The following ITGA2 variants were observed in gnomAD, a reference collection of about 807,000 sequenced individuals.
The protein encoded by ITGA2 is integrin subunit alpha 2.
Under a neutral mutation model 146.3 loss-of-function variants are expected in ITGA2, and 101 were observed. That is an observed-to-expected ratio of 0.69 (90% CI 0.59 to 0.81). The LOEUF (loss-of-function observed/expected upper bound fraction) is 0.81, where lower values mean the gene tolerates loss of function less well. Among genes scored for constraint, ITGA2 ranks in the 40% least tolerant of loss-of-function variants. The pLI is 0.00. For synonymous variants in ITGA2, 477 were observed against 487.1 expected, an observed-to-expected ratio of 0.98 and a Z score of 0.27; for missense variants, 1,281 against 1,402.7, an observed-to-expected ratio of 0.91 and a Z score of 1.39.
At position 53,074,479 on chromosome 5, in the gene ITGA2, T is replaced by C; in HGVS notation, c.2664+2T>C. On this transcript the variant is annotated splice_donor_variant, in intron 21 of 29. Transcript: ENST00000296585. LOFTEE classifies it high-confidence loss of function. ...CCTGCTTTAAAGAGAGAACAACAGG[T>C]ACAACTTGCATTTCATCCTCCAATC... is the stretch of plus-strand genomic sequence containing the variant. The C allele has an allele frequency of 1.9e-6, 3 of 1,609,874 alleles. No homozygotes were observed. Among genetic ancestry groups the C allele is most frequent in the Non-Finnish European group, 2.5e-6 (3 of 1,176,724 alleles).
At chr5:53,054,623 A>G (rs1367786268) in intron 7 of ITGA2, among the ~76,000 whole-genome samples, 1 of 152,176 alleles carries the variant, frequency 6.6e-6, no homozygotes, top group Non-Finnish European at 1.5e-5. Flanking sequence ...TCCTCCAAAT[A>G]AAATATTATG....
At chr5:52,990,985 A>G (rs1561272666) in intron 1 of ITGA2, among the ~76,000 whole-genome samples, 1 of 152,200 alleles carries the variant, frequency 6.6e-6, no homozygotes, top group Non-Finnish European at 1.5e-5. Flanking sequence ...CTGTGGAAAC[A>G]TAACATCATT....
At position 53,073,204 on chromosome 5, in the gene ITGA2, C is replaced by G; in HGVS notation, c.2516C>G (p.Thr839Ser). The change falls in exon 20 of 30, where the codon ACT becomes AGT. Residue 839 changes from threonine to serine, a missense_variant. Thr to Ser is a moderately conservative substitution (Grantham distance 58, BLOSUM62 1). Around this residue, in one of 3 missense-constraint regions of ITGA2, gnomAD observed 475 missense variants for 530.5 expected, o/e 0.90. Coordinates refer to ENST00000296585, the MANE Select transcript of ITGA2 (RefSeq NM_002203.4). ...AATAAAAGGGAAAGTGCATACAACA[C>G]TGGAATTGTTGTTGATTTTTCAGAA... ...LKNKRESAYN[T>S]GIVVDFSENL... 2.5e-6 allele frequency: 4 copies of G among 1,612,236 alleles called. No individual in the cohort carries two copies. The highest frequency in any genetic ancestry group is 3.4e-6 in the Non-Finnish European group (4 of 1,178,694).
chr5:53,048,291 C>T, intron 4 of ITGA2, 72 bp from the exon 5 acceptor site: 2 of 1,084,996 alleles, frequency 1.8e-6, no homozygotes, highest in Non-Finnish European at 2.9e-6. Flanking sequence ...GATTTCTGAG[C>T]TCCATAATGG....
intron 2 of ITGA2, among the ~76,000 whole-genome samples, chr5:53,041,615 A>G (rs1367686948): frequency 6.6e-6 from 1 of 152,156 alleles, no homozygotes; most frequent in African/African-American, 2.4e-5. Context: ...ACTACTGAGC[A>G]CTTGAAATGC....
chr5:53,008,878 G>T (rs1741984926), intron 1 of ITGA2, among the ~76,000 whole-genome samples: 1 of 152,088 alleles, frequency 6.6e-6, no homozygotes. Flanking sequence ...CTGTCTCATG[G>T]ATGCTACAAG....
chr5:53,087,919 T>A (rs1012362697), intron 28 of ITGA2, among the ~76,000 whole-genome samples: 6 of 152,184 alleles, frequency 3.9e-5, no homozygotes, highest in Non-Finnish European at 7.4e-5. Flanking sequence ...TATGGCCCCA[T>A]GAACTATGGG....
rs1460576573 is a variant in ITGA2, at chr5:53,055,639, C to T, written c.881C>T (p.Ala294Val). 1 of 1,613,334 alleles carries T rather than the reference C, an allele frequency of 6.2e-7. No homozygotes were observed. Among genetic ancestry groups the T allele is most frequent in the Non-Finnish European group, 8.5e-7 (1 of 1,179,478 alleles). The change falls in exon 8 of 30, where the codon GCT becomes GTT. Residue 294 changes from alanine (A) to valine (V), a missense_variant. Ala to Val is a moderately conservative substitution (Grantham distance 64). Transcript: ENST00000296585. The part of the protein sequence containing the change: ...GESHDGSMLK[A>V]VIDQCNHDNI... ...TCACATGATGGTTCAATGTTGAAAG[C>T]TGTGATTGATCAATGCAACCATGAC...
At chr5:53,027,043 G>A (rs1742985081) in intron 2 of ITGA2, among the ~76,000 whole-genome samples, 175 bp downstream of exon 2, 1 of 152,086 alleles carries the variant, frequency 6.6e-6, no homozygotes, top group Non-Finnish European at 1.5e-5. Flanking sequence ...ATCATTAATG[G>A]GATGGTATAA....
At position 52,989,374 on chromosome 5, in the gene ITGA2, C is replaced by T. The variant is rs1740793776; in HGVS notation, c.-95C>T. ...GGGAGAGAAGCCCTCTGGACAGCTTCTAGAGTGTGCAGGTTCTCGTATCCC... is the reference window on the plus strand; with the variant it reads ...GGGAGAGAAGCCCTCTGGACAGCTTTTAGAGTGTGCAGGTTCTCGTATCCC... On this transcript the variant is annotated 5_prime_UTR_variant, in exon 1 of 30. Coordinates refer to ENST00000296585, the MANE Select transcript of ITGA2 (RefSeq NM_002203.4). 15 of 1,311,038 alleles carry T rather than the reference C, an allele frequency of 1.1e-5. No individual in the cohort carries two copies. Among genetic ancestry groups the T allele is most frequent in the Non-Finnish European group, 1.7e-5 (15 of 906,592 alleles). The allele number at this position is 1,311,038 out of a possible 1,614,324, so 81.2% of individuals were successfully genotyped here.
intron 1 of ITGA2, among the ~76,000 whole-genome samples, chr5:53,002,093 A>G (rs1741610840): frequency 2.6e-5 from 4 of 152,072 alleles, no homozygotes. Context: ...CATACTATTT[A>G]TTGATGTGGC....
intron 6 of ITGA2, among the ~76,000 whole-genome samples, chr5:53,049,042 G>A (rs1446218860): frequency 6.7e-6 from 1 of 148,498 alleles, no homozygotes; most frequent in Non-Finnish European, 1.5e-5. Context: ...ACCAAGTCTT[G>A]CTCTTGTCAC....
intron 3 of ITGA2, 124 bp downstream of exon 3, chr5:53,042,345 A>C (rs1162939274): frequency 2.8e-6 from 2 of 708,166 alleles, no homozygotes; most frequent in East Asian, 5.5e-5. Flanking sequence ...TTATGTCTTT[A>C]GTAATATGGG....
Position 53,042,114 on chromosome 5 carries a change from T to C in ITGA2, c.188T>C (p.Leu63Ser). 1 of 1,597,864 alleles carries C rather than the reference T, an allele frequency of 6.3e-7. No individual in the cohort carries two copies. The highest frequency in any genetic ancestry group is 8.6e-7 in the Non-Finnish European group (1 of 1,165,154). ...TAATAAAAAAAATGTGTTTCTAGGTTACTGGTTGGTTCACCCTGGAGTGGC... is the reference window on the plus strand; with the variant it reads ...TAATAAAAAAAATGTGTTTCTAGGTCACTGGTTGGTTCACCCTGGAGTGGC... ...QQFINPKGNW[L>S]LVGSPWSGFP... is the part of the protein sequence containing the mutation. Residue 63 changes from leucine to serine, a missense_variant and splice_region_variant, in exon 3 of 30, where the codon TTA (leucine) becomes TCA (serine). By Grantham distance (145) the Leu-to-Ser change is moderately radical (BLOSUM62 -2). Coordinates refer to ENST00000296585, the MANE Select transcript of ITGA2 (RefSeq NM_002203.4).
At chr5:53,072,504 T>G in intron 18 of ITGA2, 109 bp from the exon 19 acceptor site, 2 of 735,206 alleles carry the variant, frequency 2.7e-6, no homozygotes, top group Non-Finnish European at 2.4e-6. Flanking sequence ...TCCTAGAACA[T>G]TGTTTGGTTT....
At chr5:53,024,683 G>T (rs1051966110) in intron 1 of ITGA2, among the ~76,000 whole-genome samples, 1 of 152,212 alleles carries the variant, frequency 6.6e-6, no homozygotes, top group Non-Finnish European at 1.5e-5. Flanking sequence ...TATTAGGTGA[G>T]GATGTTATAG....
intron 2 of ITGA2, among the ~76,000 whole-genome samples, chr5:53,040,804 A>T (rs1036911187): frequency 6.6e-6 from 1 of 152,140 alleles, no homozygotes; most frequent in Non-Finnish European, 1.5e-5. Flanking sequence ...CTAAGTGTTC[A>T]TGCTATTCTG....
In ITGA2 at chr5:53,008,223, G is replaced by A. The variant is rs189976259; in HGVS notation, c.65-18525G>A. Among the ~76,000 whole-genome samples, 127 of 151,080 alleles carry A rather than the reference G, an allele frequency of 8.4e-4. 1 individual carries two copies. Among genetic ancestry groups the A allele is most frequent in the African/African-American group, 2.9e-3 (119 of 41,094 alleles). ...GGTTTCTACTGAGGACTCTCATCCC[G>A]GCTTATAGATGGGCACTTTCTCACC... On this transcript the variant is annotated intron_variant, in intron 1 of 29. Coordinates refer to ENST00000296585, the MANE Select transcript of ITGA2 (RefSeq NM_002203.4).
intron 12 of ITGA2, among the ~76,000 whole-genome samples, chr5:53,062,046 A>G (rs1271826283): frequency 6.6e-6 from 1 of 151,884 alleles, no homozygotes; most frequent in Non-Finnish European, 1.5e-5. Flanking sequence ...TCACATAGGC[A>G]TGCATTGAAC....
Sources: allele counts gnomAD v4.1 joint callset (sites outside exome capture counted in the v4.1 genomes callset), GRCh38; gene constraint gnomAD v4.1.1; regional missense constraint gnomAD v4.1.1; transcripts MANE v1.5; gene names NCBI Gene and HGNC (gene_info 2026-07-23, HGNC 2026-07-21).